Variants in CENPU observed in about 807,000 individuals in gnomAD.
The protein encoded by CENPU is KSHV latent nuclear antigen interacting protein 1.
A neutral mutation model predicts 56.7 loss-of-function variants in CENPU; 46 were observed. That is an observed-to-expected ratio of 0.81 (90% CI 0.64 to 1.04). The LOEUF (loss-of-function observed/expected upper bound fraction) is 1.04. Ranked by LOEUF, CENPU falls within the 50% of genes least tolerant of loss-of-function variation. CENPU has a pLI of 0.00. For missense variants in CENPU, 510 were observed against 490.1 expected (o/e 1.04, Z -0.38); for synonymous variants, 166 against 163.0 (o/e 1.02, Z -0.14).
At chr4:184,722,125 C>T (rs1291738780) in intron 4 of CENPU, among the ~76,000 whole-genome samples, 1 of 151,930 alleles carries the variant, frequency 6.6e-6, no homozygotes, top group East Asian at 1.9e-4. Flanking sequence ...TAAAACAACA[C>T]GTTAATGAAG....
intron 8 of CENPU, among the ~76,000 whole-genome samples, chr4:184,705,888 TG>T (rs1760711387): frequency 6.6e-6 from 1 of 152,196 alleles, no homozygotes; most frequent in South Asian, 2.1e-4. Context: ...TTCATTTCCG[TG>T]AAGTATTCGA....
At chr4:184,711,000 T>G (rs913678399) in intron 7 of CENPU, among the ~76,000 whole-genome samples, 2 of 152,074 alleles carry the variant, frequency 1.3e-5, no homozygotes, top group African/African-American at 4.8e-5. Context: ...GGACTACAAG[T>G]GTACGCCACT....
rs564322333 is a variant in CENPU, at chr4:184,716,582, T to C, written c.433A>G (p.Ser145Gly). Residue 145 changes from serine to glycine, a missense_variant, in exon 6 of 13, where the codon AGT (serine) becomes GGT (glycine). Ser to Gly is a moderately conservative substitution (Grantham distance 56, BLOSUM62 0). Transcript: ENST00000281453. Reference protein sequence around the residue: ...ISDDSESIEESDTRRKVKSAE... With the variant: ...ISDDSESIEEGDTRRKVKSAE... ...GATTTAACTTTTCTCCTTGTATCAC[T>C]TTCTTCAATGCTTTCAGAGTCATCA... The C allele has an allele frequency of 8.1e-6, 13 of 1,614,236 alleles. No individual in the cohort carries two copies. In the African/African-American group the frequency reaches 1.5e-4, roughly 18 times the overall value.
At position 184,697,628 on chromosome 4, in the gene CENPU, AAAGT is replaced by A; in HGVS notation, c.1143+15_1143+18del. 6.2e-7 allele frequency: 1 copy of A among 1,611,410 alleles called. No individual in the cohort carries two copies. Among genetic ancestry groups the A allele is most frequent in the Non-Finnish European group, 8.5e-7 (1 of 1,178,734 alleles). On this transcript the variant is annotated intron_variant, in intron 12 of 12. Coordinates refer to ENST00000281453, the MANE Select transcript of CENPU (RefSeq NM_024629.4). ...ACAATCATCTTCTGAAGCATGGTAAAAAGTAAAATTGGAGTTACCGTTTCCTTTA... is the reference window on the plus strand; with the variant it reads ...ACAATCATCTTCTGAAGCATGGTAAAAAAATTGGAGTTACCGTTTCCTTTA...
intron 6 of CENPU, among the ~76,000 whole-genome samples, chr4:184,714,827 T>G (rs1202141428): frequency 6.6e-6 from 1 of 152,266 alleles, no homozygotes; most frequent in East Asian, 1.9e-4. Context: ...TCAATGGACT[T>G]TTAGCAGAAG....
At chr4:184,732,158 T>C (rs1383272858) in intron 1 of CENPU, among the ~76,000 whole-genome samples, 3 of 152,150 alleles carry the variant, frequency 2.0e-5, no homozygotes, top group Admixed American at 6.5e-5. Flanking sequence ...GCACTGGATA[T>C]ACTATGTTCA....
chr4:184,733,357 T>G (rs377483083), intron 1 of CENPU: 1 of 987,382 alleles, frequency 1.0e-6, no homozygotes, highest in Non-Finnish European at 1.2e-6. Flanking sequence ...CAGATCGTCT[T>G]GGCGTATGGC....
Position 184,734,064 on chromosome 4 carries a change from G to C in CENPU, c.-2C>G. 2 of 1,557,596 alleles carry C rather than the reference G, an allele frequency of 1.3e-6. No homozygotes were observed. The highest frequency in any genetic ancestry group is 1.7e-6 in the Non-Finnish European group (2 of 1,152,948). ...CCGCCGCCGCCCCCGCGGGGCCATG[G>C]TGCCGCTCTCCGCTCTCGAGCGACT... On this transcript the variant is annotated 5_prime_UTR_variant, in exon 1 of 13. Coordinates refer to ENST00000281453, the MANE Select transcript of CENPU (RefSeq NM_024629.4).
intron 12 of CENPU, among the ~76,000 whole-genome samples, chr4:184,695,674 T>A (rs1760264379): frequency 6.6e-6 from 1 of 152,172 alleles, no homozygotes; most frequent in Non-Finnish European, 1.5e-5. Flanking sequence ...ATCATCTCTA[T>A]TACTGGAGAC....
chr4:184,716,983 A>C (rs1169413031), intron 5 of CENPU, among the ~76,000 whole-genome samples, 153 bp downstream of exon 5: 1 of 152,238 alleles, frequency 6.6e-6, no homozygotes, highest in African/African-American at 2.4e-5. Context: ...TATCCTAAAA[A>C]TAGAACTTTA....
chr4:184,710,499 C>CAAAA (rs1215534795), intron 7 of CENPU: 33 of 189,790 alleles, frequency 1.7e-4, no homozygotes, highest in Non-Finnish European at 3.3e-4. Context: ...GGGATAAGCT[C>CAAAA]TTCATTGTTA....
intron 10 of CENPU, 121 bp downstream of exon 10, chr4:184,701,968 C>T: frequency 1.5e-6 from 1 of 683,090 alleles, no homozygotes; most frequent in South Asian, 1.7e-5. Flanking sequence ...CAAATAAAAG[C>T]CTGACAAGAT....
intron 8 of CENPU, among the ~76,000 whole-genome samples, chr4:184,705,388 G>A (rs7660116): frequency 0.42 from 63,557 of 151,920 alleles, 14,518 homozygotes; most frequent in East Asian, 0.71. Flanking sequence ...AATGGAGAAC[G>A]GGTTAGTGGT....
intron 6 of CENPU, among the ~76,000 whole-genome samples, chr4:184,715,190 A>C (rs144077250): frequency 4.6e-5 from 7 of 152,364 alleles, no homozygotes; most frequent in Non-Finnish European, 8.8e-5. Context: ...GGGACAACTT[A>C]TTATACTTCA....
At chr4:184,696,102 T>C (rs1760291170) in intron 12 of CENPU, among the ~76,000 whole-genome samples, 1 of 152,228 alleles carries the variant, frequency 6.6e-6, no homozygotes, top group African/African-American at 2.4e-5. Context: ...CATACTTTGA[T>C]AGTTTGCTGT....
Position 184,694,547 on chromosome 4 carries a change from C to G in CENPU, c.*741G>C, listed in dbSNP as rs899812164. The G allele has an allele frequency of 2.1e-5, 34 of 1,598,248 alleles. No individual in the cohort carries two copies. In the Admixed American group the frequency reaches 4.6e-4, roughly 21 times the overall value. On this transcript the variant is annotated 3_prime_UTR_variant, in exon 13 of 13. Coordinates refer to ENST00000281453, the MANE Select transcript of CENPU (RefSeq NM_024629.4). ...GAAGAAGAGTTTACAACAGATGAAG[C>G]AGATGAAACTAGGAGCAATGAAACC...
chr4:184,730,794 G>GAA, intron 2 of CENPU, 126 bp downstream of exon 2: 1 of 608,350 alleles, frequency 1.6e-6, no homozygotes, highest in Non-Finnish European at 2.8e-6. Flanking sequence ...TGAGGAAAAT[G>GAA]AACACACTTT....
chr4:184,733,961 G>A lies in CENPU; in HGVS notation c.47+55C>T, dbSNP rs570385283. On this transcript the variant is annotated intron_variant, in intron 1 of 12. Transcript: ENST00000281453. ...GGAGGCGCAAACCACGGCAGGCGAGGAAGCAGTTCAAGCTGGTCTCCGGCC... is the reference window on the plus strand; with the variant it reads ...GGAGGCGCAAACCACGGCAGGCGAGAAAGCAGTTCAAGCTGGTCTCCGGCC... 8.0e-5 allele frequency: 128 copies of A among 1,607,750 alleles called. No homozygotes were observed. The African/African-American group carries it at 1.6e-3, about 20-fold the overall frequency.
chr4:184,700,300 A>G (rs79884757), intron 11 of CENPU, among the ~76,000 whole-genome samples: 27,031 of 152,092 alleles, frequency 0.18, 2,666 homozygotes, highest in African/African-American at 0.26. Context: ...ACAATAACAT[A>G]AACAATTGTC....
Sources: gnomAD v4.1 joint callset for allele counts (sites outside exome capture counted in the v4.1 genomes callset) on GRCh38, gnomAD v4.1.1 for gene constraint, MANE v1.5 for transcripts, NCBI Gene and HGNC (gene_info 2026-07-23, HGNC 2026-07-21) for gene names.